AFG2A: variants seen among roughly 807,000 people sequenced by gnomAD.
AFG2A encodes the protein ATPase family gene 2 protein homolog A.
the AFG2A span, among the ~76,000 whole-genome samples, chr4:123,182,581 G>A: frequency 6.6e-6 from 1 of 152,092 alleles, no homozygotes; most frequent in African/African-American, 2.4e-5. Context: ...TGCATTTTTT[G>A]TGCTTAAAGT....
the AFG2A span, among the ~76,000 whole-genome samples, chr4:123,008,224 G>A: frequency 7.2e-5 from 11 of 152,104 alleles, no homozygotes; most frequent in Non-Finnish European, 1.5e-5. Context: ...GAGATCACAC[G>A]GCAAGATGAG....
At chr4:123,209,096 A>G in the AFG2A span, among the ~76,000 whole-genome samples, 72 of 152,296 alleles carry the variant, frequency 4.7e-4, no homozygotes, top group African/African-American at 1.6e-3. Flanking sequence ...CTGGTAAATT[A>G]AGTGTTTTTG....
the AFG2A span, among the ~76,000 whole-genome samples, chr4:123,262,694 G>A: frequency 6.6e-6 from 1 of 152,142 alleles, no homozygotes; most frequent in Admixed American, 6.5e-5. Flanking sequence ...AAAAGTATAA[G>A]CTACCTAAAG....
chr4:123,064,378 A>C, the AFG2A span, among the ~76,000 whole-genome samples: 65,633 of 152,090 alleles, frequency 0.43, 17,145 homozygotes, highest in Non-Finnish European at 0.57. Context: ...TTTAGTGCTT[A>C]TTACATACTA....
At chr4:123,005,797 G>GA in the AFG2A span, among the ~76,000 whole-genome samples, 23 of 152,174 alleles carry the variant, frequency 1.5e-4, no homozygotes, top group Admixed American at 2.0e-4. Context: ...AAGAACCTTA[G>GA]AACAATATAT....
chr4:123,095,618 T>TA, the AFG2A span, among the ~76,000 whole-genome samples: 2 of 152,262 alleles, frequency 1.3e-5, no homozygotes, highest in Admixed American at 6.5e-5. Flanking sequence ...ACACAGTTTT[T>TA]ACCATCTTTA....
chr4:122,936,164 T>G, the AFG2A span: 1 of 1,593,106 alleles, frequency 6.3e-7, no homozygotes, highest in South Asian at 1.2e-5. Flanking sequence ...ACGGTACTCT[T>G]TATTTTTAAA....
At chr4:123,007,546 ATGTATGTGTGTGTGTGTGTATATGTG>A in the AFG2A span, among the ~76,000 whole-genome samples, 2 of 101,216 alleles carry the variant, frequency 2.0e-5, no homozygotes, top group African/African-American at 6.5e-5. Flanking sequence ...ATATATGTGT[ATGTATGTGTGTGTGTGTGTATATGTG>A]TGTGTGTGTG....
the AFG2A span, among the ~76,000 whole-genome samples, chr4:122,969,746 A>T: frequency 1.3e-5 from 2 of 152,130 alleles, no homozygotes; most frequent in African/African-American, 4.8e-5. Context: ...GATTTTCCTT[A>T]ATTTCCCTCC....
At chr4:123,028,543 A>G in the AFG2A span, 1 of 632,418 alleles carries the variant, frequency 1.6e-6, no homozygotes, top group South Asian at 2.0e-5. Flanking sequence ...AATATAATAT[A>G]GGGAGATGAG....
chr4:123,237,988 C>T, the AFG2A span, among the ~76,000 whole-genome samples: 3 of 152,342 alleles, frequency 2.0e-5, no homozygotes, highest in East Asian at 1.9e-4. Context: ...CTGCGCTTTT[C>T]CCATGGTCTT....
chr4:123,256,192 C>T, the AFG2A span: 6 of 1,612,924 alleles, frequency 3.7e-6, no homozygotes, highest in Admixed American at 1.0e-4. Flanking sequence ...TAAGATAGTT[C>T]CCTTCAAAAT....
At chr4:123,007,569 TGTGTGTGTGTGTGTGTGTGTGTG>T in the AFG2A span, among the ~76,000 whole-genome samples, 1 of 2,616 alleles carries the variant, frequency 3.8e-4, no homozygotes, top group African/African-American at 5.1e-4. Context: ...TGTGTGTATA[TGTGTGTGTGTGTGTGTGTGTGTG>T]TGTGTGTGTG....
the AFG2A span, among the ~76,000 whole-genome samples, chr4:123,018,652 G>A: frequency 2.1e-5 from 3 of 140,234 alleles, no homozygotes; most frequent in Non-Finnish European, 3.1e-5. Context: ...TTTTTTTTTT[G>A]AGACAGAGTC....
the AFG2A span, among the ~76,000 whole-genome samples, chr4:123,012,037 G>T: frequency 1.5e-5 from 2 of 134,896 alleles, no homozygotes; most frequent in African/African-American, 2.8e-5. Flanking sequence ...GGGGTGAGGG[G>T]TGCTTGCCCC....
the AFG2A span, among the ~76,000 whole-genome samples, chr4:123,181,165 T>A: frequency 2.6e-5 from 4 of 152,010 alleles, no homozygotes; most frequent in African/African-American, 9.7e-5. Context: ...TTTGTATTTT[T>A]AGTAGAGACG....
the AFG2A span, among the ~76,000 whole-genome samples, chr4:123,281,939 G>A: frequency 2.6e-5 from 4 of 152,214 alleles, no homozygotes; most frequent in Non-Finnish European, 4.4e-5. Flanking sequence ...ATTAGGGGAA[G>A]GGAGGGATGA....
chr4:123,096,874 T>TA, the AFG2A span, among the ~76,000 whole-genome samples: 7 of 152,258 alleles, frequency 4.6e-5, no homozygotes, highest in African/African-American at 1.4e-4. Flanking sequence ...TAATTTTCCT[T>TA]ACAGTTTTTC....
the AFG2A span, among the ~76,000 whole-genome samples, chr4:123,194,550 T>C: frequency 6.6e-6 from 1 of 152,192 alleles, no homozygotes. Flanking sequence ...ATTTTCTCTG[T>C]GAGGAAAAGC....
Sources: gnomAD v4.1 joint callset for allele counts (sites outside exome capture counted in the v4.1 genomes callset) on GRCh38, gnomAD v4.1.1 for gene constraint, MANE v1.5 for transcripts, NCBI Gene and HGNC (gene_info 2026-07-23, HGNC 2026-07-21) for gene names.